The following PITRM1 variants were observed in gnomAD, a reference collection of about 807,000 sequenced individuals.
PITRM1 encodes the protein pitrilysin metallopeptidase 1.
In PITRM1, 100 loss-of-function variants were observed where a neutral mutation model predicts 129.9. The ratio of observed to expected loss-of-function variants is 0.77; its 90% CI spans 0.65 to 0.91. The LOEUF (loss-of-function observed/expected upper bound fraction) is 0.91, where lower values mean the gene tolerates loss of function less well. Ranked by LOEUF, PITRM1 falls within the 40% of genes least tolerant of loss-of-function variation. The pLI, the probability that PITRM1 is intolerant of heterozygous loss-of-function variation, is 0.00. For missense variants in PITRM1, 1,471 were observed against 1,318.3 expected (o/e 1.12, Z -1.79); for synonymous variants, 591 against 508.8 (o/e 1.16, Z -2.17).
intron 24 of PITRM1, 47 bp downstream of exon 24, chr10:3,140,640 C>G (rs763477533): frequency 6.5e-7 from 1 of 1,543,692 alleles, no homozygotes; most frequent in Non-Finnish European, 8.8e-7. Context: ...GAGTAGAAGA[C>G]TAAAACGACG....
chr10:3,163,506 G>A, intron 7 of PITRM1: 1 of 410,484 alleles, frequency 2.4e-6, no homozygotes, highest in Non-Finnish European at 4.4e-6. Context: ...TAAACGCTGT[G>A]TTTGTAACCA....
intron 23 of PITRM1, 78 bp downstream of exon 23, chr10:3,143,311 G>T: frequency 1.1e-6 from 1 of 885,000 alleles, no homozygotes; most frequent in Non-Finnish European, 1.9e-6. Flanking sequence ...GCTAAAACAC[G>T]CCCTGTGAAC....
chr10:3,151,191 C>G (rs957130785), intron 15 of PITRM1, 56 bp downstream of exon 15: 1 of 934,630 alleles, frequency 1.1e-6, no homozygotes, highest in Non-Finnish European at 1.7e-6. Context: ...TGAGGAGTGA[C>G]ATTTAATTCC....
rs761687475 is a variant in PITRM1 at position 3,158,129 on chromosome 10, G to T, written c.1161C>A (p.Ala387=). 1.4e-5 allele frequency: 23 copies of T among 1,605,526 alleles called. No homozygotes were observed. The highest frequency in any genetic ancestry group is 1.9e-5 in the Non-Finnish European group (22 of 1,173,916). Residue 387 remains alanine (A), a synonymous_variant, in exon 11 of 27, where the codon GCC becomes GCA. Coordinates refer to ENST00000224949, the MANE Select transcript of PITRM1 (RefSeq NM_014889.4). ...DVGYNGYTRE[A]YFSVGLQGIA... is the part of the protein sequence containing the mutation. ...TCCCTTGGAGGCCGACACTAAAGTA[G>T]GCCTCCCTCGTGTAGCCATTATATC...
chr10:3,157,335 T>G (rs1842057605), intron 12 of PITRM1, 100 bp downstream of exon 12: 1 of 704,872 alleles, frequency 1.4e-6, no homozygotes, highest in South Asian at 2.0e-5. Flanking sequence ...CCATTTAAAG[T>G]AATCTATTTC....
In PITRM1 at chr10:3,159,133, C is replaced by T. The variant is rs980374571; in HGVS notation, c.1008-91G>A. 51 of 1,099,716 alleles carry T rather than the reference C, an allele frequency of 4.6e-5. No homozygotes were observed. The African/African-American group carries it at 6.1e-4, about 13-fold the overall frequency. The allele number at this position is 1,099,716 out of a possible 1,614,324, so 68.1% of individuals were successfully genotyped here. A position where few individuals can be genotyped will look rare whatever the true frequency, so the allele number is the denominator to read the frequency against. Reference sequence around the variant, plus strand: ...GCACATTTTATTTAAAACCACTACACATCTTTCTAGAAATTCTTGCATTTC... The same window carrying T: ...GCACATTTTATTTAAAACCACTACATATCTTTCTAGAAATTCTTGCATTTC... On this transcript the variant is annotated intron_variant, in intron 9 of 26. Transcript: ENST00000224949.
At chr10:3,144,785 C>A (rs114200768) in intron 21 of PITRM1, among the ~76,000 whole-genome samples, 2,030 of 151,984 alleles carry the variant, frequency 0.013, 43 homozygotes, top group African/African-American at 0.046. Context: ...AGCCCGAGTG[C>A]CAGAGACAGA....
chr10:3,159,719 TC>T, intron 9 of PITRM1, 128 bp downstream of exon 9: 1 of 562,556 alleles, frequency 1.8e-6, no homozygotes, highest in Non-Finnish European at 3.1e-6. Flanking sequence ...ATTCCTAAAA[TC>T]CACTTAACCC....
intron 16 of PITRM1, chr10:3,148,922 T>A (rs146401482): frequency 2.0e-5 from 3 of 152,294 alleles, no homozygotes; most frequent in Non-Finnish European, 2.9e-5. Context: ...CTGAAGACAT[T>A]TTTCCATCTG....
chr10:3,146,059 T>G lies in PITRM1; in HGVS notation c.2337-343A>C, dbSNP rs1376104782. The G allele has an allele frequency of 1.7e-5, 4 of 238,448 alleles. No individual in the cohort carries two copies. The East Asian group carries it at 3.5e-4, about 21-fold the overall frequency. The allele number at this position is 238,448 out of a possible 1,614,324, so 14.8% of individuals were successfully genotyped here. A position where few individuals can be genotyped will look rare whatever the true frequency, so the allele number is the denominator to read the frequency against. ...TACACTATCAAAACACTGACAACTTTTAAAATTACTGTCCAGAAGTCATCA... is the reference window on the plus strand; with the variant it reads ...TACACTATCAAAACACTGACAACTTGTAAAATTACTGTCCAGAAGTCATCA... On this transcript the variant is annotated intron_variant, in intron 20 of 26. Coordinates refer to ENST00000224949, the MANE Select transcript of PITRM1 (RefSeq NM_014889.4).
At chr10:3,155,462 A>AG in intron 14 of PITRM1, 129 bp downstream of exon 14, 1 of 1,115,308 alleles carries the variant, frequency 9.0e-7, no homozygotes, top group Non-Finnish European at 1.3e-6. Flanking sequence ...ATCGAACGTG[A>AG]GCTCTGTTGG....
chr10:3,162,692 T>A (rs1029059026), intron 7 of PITRM1, among the ~76,000 whole-genome samples: 5 of 152,188 alleles, frequency 3.3e-5, no homozygotes, highest in Non-Finnish European at 7.3e-5. Context: ...TCTTTGGATC[T>A]AAGTTCCAGT....
At chr10:3,146,491 G>A (rs1840879297) in intron 20 of PITRM1, 1 of 152,370 alleles carries the variant, frequency 6.6e-6, no homozygotes, top group African/African-American at 2.4e-5. Context: ...GGCACCAGAA[G>A]CCAGGCCTGC....
At position 3,158,131 on chromosome 10, in the gene PITRM1, C is replaced by T; in HGVS notation, c.1159G>A (p.Ala387Thr). The T allele has an allele frequency of 1.2e-6, 2 of 1,604,708 alleles. No homozygotes were observed. The highest frequency in any genetic ancestry group is 2.2e-5 in the South Asian group (2 of 90,304). The change falls in exon 11 of 27, where the codon GCC becomes ACC. Residue 387 changes from alanine (A) to threonine (T), a missense_variant. Coordinates refer to ENST00000224949, the MANE Select transcript of PITRM1 (RefSeq NM_014889.4). ...DVGYNGYTREAYFSVGLQGIA... is the reference protein window; with the variant it reads ...DVGYNGYTRETYFSVGLQGIA... ...CCTTGGAGGCCGACACTAAAGTAGG[C>T]CTCCCTCGTGTAGCCATTATATCTA...
At chr10:3,163,660 T>C in intron 7 of PITRM1, 65 bp downstream of exon 7, 1 of 1,334,600 alleles carries the variant, frequency 7.5e-7, no homozygotes. Context: ...TGCCATAAAC[T>C]GTTAAGAACA....
intron 20 of PITRM1, chr10:3,146,813 A>G (rs1311108231): frequency 5.6e-6 from 1 of 177,078 alleles, no homozygotes; most frequent in East Asian, 1.7e-4. Flanking sequence ...AGCATCACAT[A>G]ATTTTATAAG....
At chr10:3,147,459 CAGTT>C (rs1841010018) in intron 19 of PITRM1, 109 bp downstream of exon 19, 19 of 1,237,102 alleles carry the variant, frequency 1.5e-5, no homozygotes, top group East Asian at 2.3e-5. Flanking sequence ...CATATTTAGT[CAGTT>C]AGAAAGTTAG....
At chr10:3,165,362 G>A (rs369880528) in intron 5 of PITRM1, 28 bp from the exon 6 acceptor site, 8 of 1,597,360 alleles carry the variant, frequency 5.0e-6, no homozygotes, top group Admixed American at 1.7e-5. Context: ...TAAGCTGATA[G>A]TGACTCAAAT....
chr10:3,138,161 T>C, intron 26 of PITRM1, 37 bp from the exon 27 acceptor site: 3 of 1,575,400 alleles, frequency 1.9e-6, no homozygotes, highest in Non-Finnish European at 2.6e-6. Flanking sequence ...AAGGACTGGC[T>C]TCTGCGTGAG....
Sources: gnomAD v4.1 joint callset for allele counts (sites outside exome capture counted in the v4.1 genomes callset) on GRCh38, gnomAD v4.1.1 for gene constraint, MANE v1.5 for transcripts, NCBI Gene and HGNC (gene_info 2026-07-23, HGNC 2026-07-21) for gene names.